ERI2: variants seen among roughly 807,000 people sequenced by gnomAD.
ERI2 encodes ERI1 exoribonuclease 2.
A neutral mutation model predicts 46.8 loss-of-function variants in ERI2; 35 were observed. The ratio of observed to expected loss-of-function variants is 0.75; its 90% CI spans 0.57 to 0.99. The LOEUF (loss-of-function observed/expected upper bound fraction) is 0.99. Among genes scored for constraint, ERI2 ranks in the 50% least tolerant of loss-of-function variants. The pLI, the probability that ERI2 is intolerant of heterozygous loss-of-function variation, is 0.00. For missense variants in ERI2, 695 were observed against 796.2 expected (o/e 0.87, Z 1.53); for synonymous variants, 224 against 271.0 (o/e 0.83, Z 1.70).
chr16:20,786,874 C>CA (rs745659711), intron 10 of ERI2, among the ~76,000 whole-genome samples: 1 of 152,210 alleles, frequency 6.6e-6, no homozygotes, highest in Non-Finnish European at 1.5e-5. Context: ...TTAACCACAA[C>CA]ACAACACTGG....
rs1439306386 is a variant in ERI2 at position 20,796,476 on chromosome 16, A to G, written c.*1248T>C. ...GTTAAAAAAACTACAGCACCTTACA[A>G]ATATCCCAGAAAGGTAGGCATCCTA... is the stretch of plus-strand genomic sequence containing the variant. On this transcript the variant is annotated 3_prime_UTR_variant, in exon 9 of 9. Transcript: ENST00000357967. 6.2e-7 allele frequency: 1 copy of G among 1,612,818 alleles called. No homozygotes were observed. Among genetic ancestry groups the G allele is most frequent in the Admixed American group, 1.7e-5 (1 of 59,658 alleles).
At chr16:20,786,912 T>G (rs1246506843) in intron 10 of ERI2, among the ~76,000 whole-genome samples, 6 of 152,138 alleles carry the variant, frequency 3.9e-5, no homozygotes, top group Admixed American at 3.9e-4. Flanking sequence ...GGTCAAGACC[T>G]TCTGAGCGGG....
chr16:20,797,676 C>CT lies in ERI2; in HGVS notation c.*47_*48insA, dbSNP rs1567369276. ...TAGTGTAAGATGTTATCAGAATACT[C>CT]ATGTTTGGAAATTCAAGGAACAATT... On this transcript the variant is annotated 3_prime_UTR_variant, in exon 9 of 9. Coordinates refer to ENST00000357967, the MANE Select transcript of ERI2 (RefSeq NM_001142725.2). 4 of 1,471,592 alleles carry CT rather than the reference C, an allele frequency of 2.7e-6. No individual in the cohort carries two copies. The highest frequency in any genetic ancestry group is 3.6e-6 in the Non-Finnish European group (4 of 1,113,678). The allele number at this position is 1,471,592 out of a possible 1,614,324, so 91.2% of individuals were successfully genotyped here.
At position 20,801,252 on chromosome 16, in the gene ERI2, T is replaced by A. The variant is rs772149821; in HGVS notation, c.411A>T (p.Ser137=). The A allele has an allele frequency of 2.5e-6, 4 of 1,612,548 alleles. No individual in the cohort carries two copies. In the African/African-American group the frequency reaches 4.0e-5, roughly 16 times the overall value. The change falls in exon 5 of 9, where the codon TCA becomes TCT. Residue 137 remains serine, a synonymous_variant. Coordinates refer to ENST00000357967, the MANE Select transcript of ERI2 (RefSeq NM_001142725.2). ...ATTTTACTTCAGAAGCAGAAGGCTC[T>A]GAAATCCCAGTAGCAAAAATAATGT... is the stretch of plus-strand genomic sequence containing the variant. ...QKNIIFATGI[S]EPSASEVKLC...
At chr16:20,793,927 C>A (rs17747187), downstream of ERI2, among the ~76,000 whole-genome samples, 2 of 152,094 alleles carry the variant, frequency 1.3e-5, no homozygotes, top group Non-Finnish European at 2.9e-5. Context: ...GATATCCTAG[C>A]GTACAATATA....
chr16:20,784,814 G>T (rs2080434666), intron 10 of ERI2, among the ~76,000 whole-genome samples: 1 of 151,952 alleles, frequency 6.6e-6, no homozygotes, highest in Non-Finnish European at 1.5e-5. Context: ...ATTTGTGTAG[G>T]TACTTAGTAG....
chr16:20,802,866 T>G lies in ERI2; in HGVS notation c.233A>C (p.Gln78Pro). The stretch of plus-strand genomic sequence containing the variant: ...ATGTTCCTGAGGTTGAACATAAGCC[T>G]GGAACTCAGAGTCAATCTGTCCAGT... ...TSTGQIDSEF[Q>P]AYVQPQEHPI... The change falls in exon 4 of 9, where the codon CAG becomes CCG. Residue 78 changes from glutamine to proline, a missense_variant. Physicochemically the swap from Gln to Pro is moderately conservative, Grantham distance 76 (BLOSUM62 -1). Coordinates refer to ENST00000357967, the MANE Select transcript of ERI2 (RefSeq NM_001142725.2). The G allele has an allele frequency of 6.2e-7, 1 of 1,611,560 alleles. No homozygotes were observed. The highest frequency in any genetic ancestry group is 8.5e-7 in the Non-Finnish European group (1 of 1,178,110).
intron 6 of ERI2, 52 bp downstream of exon 6, chr16:20,800,250 T>TA (rs2080781940): frequency 4.7e-6 from 6 of 1,274,696 alleles, no homozygotes; most frequent in Non-Finnish European, 6.8e-6. Context: ...GGATAAAAGT[T>TA]AATCATTTTT....
chr16:20,789,434 G>T (rs2080544475), intron 10 of ERI2: 7 of 1,360,778 alleles, frequency 5.1e-6, no homozygotes, highest in Non-Finnish European at 6.3e-6. Flanking sequence ...AGGGAATGAT[G>T]AGGATTGGAG....
chr16:20,800,694 A>C (rs2080786206), intron 5 of ERI2: 1 of 231,754 alleles, frequency 4.3e-6, no homozygotes, highest in Non-Finnish European at 8.3e-6. Flanking sequence ...GGAAAATATT[A>C]ATGTTATTGA....
downstream of ERI2, chr16:20,792,379 T>A (rs544668251): frequency 1.9e-4 from 309 of 1,607,314 alleles, 2 homozygotes; most frequent in South Asian, 3.2e-3. Flanking sequence ...TGTTGGCAAT[T>A]TAACACATAC....
chr16:20,784,201 G>T (rs2152472950), intron 10 of ERI2, among the ~76,000 whole-genome samples: 1 of 152,210 alleles, frequency 6.6e-6, no homozygotes, highest in Non-Finnish European at 1.5e-5. Flanking sequence ...GCACTGTGTT[G>T]TGCAATATGG....
chr16:20,796,783 T>C lies in ERI2; in HGVS notation c.*941A>G. The C allele has an allele frequency of 1.9e-6, 3 of 1,555,988 alleles. No homozygotes were observed. The highest frequency in any genetic ancestry group is 8.6e-7 in the Non-Finnish European group (1 of 1,156,466). On this transcript the variant is annotated 3_prime_UTR_variant, in exon 9 of 9. Transcript: ENST00000357967. The stretch of plus-strand genomic sequence containing the variant: ...TACCCAAAACCCATTCCAAAGACTA[T>C]TCTAATTCTTCCACCTAGAATTCAT...
chr16:20,806,282 C>A, intron 1 of ERI2, 126 bp downstream of exon 1: 2 of 1,452,336 alleles, frequency 1.4e-6, no homozygotes, highest in Non-Finnish European at 1.8e-6. Flanking sequence ...GGGCAGGTCG[C>A]AGACGCCGGG....
chr16:20,790,922 AGGAAG>A lies in ERI2; in HGVS notation c.738_742del (p.Phe247LeufsTer9), dbSNP rs1567363002. ...ACTGTTCCAGGTCCACGAAGGCAAG[AGGAAG>A]GGACCCTAGAAAGAGGACAGCCTCT... On this transcript the variant is annotated frameshift_variant, in exon 9 of 11. Transcript: ENST00000300005. LOFTEE classifies it high-confidence loss of function. This position sits in a 1 kb window ranked among gnomAD's most constrained non-coding sequence, Gnocchi z 4.0. 4 of 1,614,012 alleles carry A rather than the reference AGGAAG, an allele frequency of 2.5e-6. No homozygotes were observed.
intron 10 of ERI2, among the ~76,000 whole-genome samples, chr16:20,782,418 C>G (rs1199816954): frequency 6.6e-6 from 1 of 152,136 alleles, no homozygotes; most frequent in Admixed American, 6.5e-5. Flanking sequence ...CCCAGAGTCC[C>G]CAAAGTCCAT....
intron 1 of ERI2, 147 bp downstream of exon 1, chr16:20,806,255 TCCAACC>T: frequency 3.5e-6 from 5 of 1,417,900 alleles, no homozygotes; most frequent in Non-Finnish European, 4.6e-6. Flanking sequence ...GAGGCGCCTT[TCCAACC>T]GTGCCAGAGA....
At position 20,796,964 on chromosome 16, in the gene ERI2, A is replaced by G; in HGVS notation, c.*760T>C. 1 of 1,612,376 alleles carries G rather than the reference A, an allele frequency of 6.2e-7. No individual in the cohort carries two copies. Among genetic ancestry groups the G allele is most frequent in the Non-Finnish European group, 8.5e-7 (1 of 1,179,296 alleles). On this transcript the variant is annotated 3_prime_UTR_variant, in exon 9 of 9. Transcript: ENST00000357967. ...TGAACTGAGGAAGAAAGAATGGAAGACAATTTAAAGTTGTTTCATTAATTA... is the reference window on the plus strand; with the variant it reads ...TGAACTGAGGAAGAAAGAATGGAAGGCAATTTAAAGTTGTTTCATTAATTA...
At chr16:20,786,279 C>A in intron 10 of ERI2, 2 of 1,437,802 alleles carry the variant, frequency 1.4e-6, no homozygotes, top group Non-Finnish European at 1.8e-6. Context: ...TTCCATGATA[C>A]TTTAATTTTT....
Sources: gnomAD v4.1 joint callset for allele counts (sites outside exome capture counted in the v4.1 genomes callset) on GRCh38, gnomAD v4.1.1 for gene constraint, Gnocchi (gnomAD v3.1) non-coding constraint, MANE v1.5 for transcripts, NCBI Gene and HGNC (gene_info 2026-07-23, HGNC 2026-07-21) for gene names.